The following RBM39 variants were observed in gnomAD, a reference collection of about 807,000 sequenced individuals.
RBM39 encodes the protein RNA-binding protein 39.
Under a neutral mutation model 79.6 loss-of-function variants are expected in RBM39, and 12 were observed. The ratio of observed to expected loss-of-function variants is 0.15; its 90% CI spans 0.10 to 0.24. The LOEUF (loss-of-function observed/expected upper bound fraction) is 0.24, where lower values mean the gene tolerates loss of function less well. RBM39 is among the 10% of genes least tolerant of loss of function. The probability of loss-of-function intolerance (pLI) is 1.00; values close to 1 mark genes in which losing one functional copy is unlikely to be tolerated. For missense variants in RBM39, 243 were observed against 653.4 expected (o/e 0.37, Z 6.85); for synonymous variants, 185 against 208.4 (o/e 0.89, Z 0.97).
At chr20:35,734,983 G>A (rs767969223) in intron 3 of RBM39, 1 of 1,611,066 alleles carries the variant, frequency 6.2e-7, no homozygotes, top group Non-Finnish European at 8.5e-7. Context: ...TGGGCCTTTG[G>A]ACTTTTTGGT....
At position 35,729,843 on chromosome 20, in the gene RBM39, TAA is replaced by T. The variant is rs11476594; in HGVS notation, c.297-318_297-317del. On this transcript the variant is annotated intron_variant, in intron 4 of 16. Coordinates refer to ENST00000253363, the MANE Select transcript of RBM39 (RefSeq NM_184234.3). ...CATATATATATACAGTCTTGAGAAT[TAA>T]AAAAAAAAAAACACACACACACATA... 2.1e-3 allele frequency among the ~76,000 whole-genome samples: 306 copies of T among 145,302 alleles called. 2 individuals are homozygous for T. Among genetic ancestry groups the T allele is most frequent in the African/African-American group, 5.9e-3 (235 of 39,648 alleles).
chr20:35,737,830 C>A (rs1189597352), intron 3 of RBM39, among the ~76,000 whole-genome samples: 1 of 112,070 alleles, frequency 8.9e-6, no homozygotes, highest in East Asian at 2.6e-4. Context: ...GCCTGGGCAA[C>A]AGAGCAAGAC....
intron 7 of RBM39, 70 bp downstream of exon 7, chr20:35,724,968 G>GT: frequency 1.3e-5 from 15 of 1,132,804 alleles, no homozygotes; most frequent in Non-Finnish European, 2.0e-5. Context: ...ATCAAATGAA[G>GT]TATTTGATGT....
At chr20:35,726,692 C>T (rs2038732287) in intron 6 of RBM39, among the ~76,000 whole-genome samples, 1 of 152,182 alleles carries the variant, frequency 6.6e-6, no homozygotes, top group South Asian at 2.1e-4. Flanking sequence ...AACATCATCT[C>T]TGTTACAAAA....
chr20:35,724,912 C>G (rs2425105), intron 7 of RBM39, 126 bp downstream of exon 7: 8 of 993,590 alleles, frequency 8.1e-6, no homozygotes, highest in Non-Finnish European at 1.1e-5. Context: ...TCCAATACTA[C>G]AAGAGGCAAA....
intron 3 of RBM39, chr20:35,735,177 A>C: frequency 7.3e-7 from 1 of 1,365,192 alleles, no homozygotes; most frequent in Non-Finnish European, 9.5e-7. Context: ...GTGTCATTTT[A>C]ATGTTATCTT....
Position 35,742,018 on chromosome 20 carries a change from C to T in RBM39, c.-91G>A. The T allele has an allele frequency of 3.9e-6, 1 of 253,442 alleles. No individual in the cohort carries two copies. The highest frequency in any genetic ancestry group is 3.9e-5 in the South Asian group (1 of 25,718). The allele number at this position is 253,442 out of a possible 1,614,324, so 15.7% of individuals were successfully genotyped here. On this transcript the variant is annotated 5_prime_UTR_variant, in exon 1 of 17. Transcript: ENST00000253363. ...CTGCTGCTGCTGCTGCTGCCGCCGC[C>T]GCCGCTTCTGTTGCTACTGTTAAGC... is the stretch of plus-strand genomic sequence containing the variant.
At chr20:35,740,974 C>A in intron 1 of RBM39, 87 bp from the exon 2 acceptor site, 1 of 713,206 alleles carries the variant, frequency 1.4e-6, no homozygotes, top group East Asian at 4.1e-5. Context: ...TATCGTCTAA[C>A]ATTTTCTCTA....
intron 3 of RBM39, among the ~76,000 whole-genome samples, chr20:35,738,342 T>A (rs116328758): frequency 4.6e-5 from 7 of 152,250 alleles, no homozygotes; most frequent in African/African-American, 1.7e-4. Flanking sequence ...TTTTCTGTAC[T>A]AGTCTATAGC....
intron 8 of RBM39, 47 bp from the exon 9 acceptor site, chr20:35,721,924 A>G (rs751918098): frequency 1.3e-5 from 21 of 1,577,990 alleles, no homozygotes; most frequent in Non-Finnish European, 1.7e-5. Flanking sequence ...ACAGCAGTTT[A>G]AAGACATACA....
intron 9 of RBM39, 68 bp downstream of exon 9, chr20:35,721,670 CAT>C: frequency 1.3e-6 from 2 of 1,510,304 alleles, no homozygotes; most frequent in Non-Finnish European, 1.8e-6. Flanking sequence ...CAAAGCAAGA[CAT>C]ACAGAAATTA....
Position 35,708,060 on chromosome 20 carries a change from T to C in RBM39, c.1226-859A>G, listed in dbSNP as rs923762239. On this transcript the variant is annotated intron_variant, in intron 13 of 16. Transcript: ENST00000253363. Reference sequence around the variant, plus strand: ...AAACGATCACTTAAAGTATCAGAAATATTACACCGAGAAATTAGGGCTGTG... The same window carrying C: ...AAACGATCACTTAAAGTATCAGAAACATTACACCGAGAAATTAGGGCTGTG... The C allele has an allele frequency of 1.7e-5, 5 of 298,222 alleles. No individual in the cohort carries two copies. The Admixed American group carries it at 2.5e-4, about 15-fold the overall frequency. 18.5% of individuals were successfully genotyped at this position (298,222 alleles called of 1,614,324 possible).
chr20:35,723,294 T>C (rs2038230432), intron 8 of RBM39, among the ~76,000 whole-genome samples: 1 of 151,784 alleles, frequency 6.6e-6, no homozygotes, highest in Non-Finnish European at 1.5e-5. Context: ...TGTAACAAAC[T>C]AGAGTACATT....
intron 14 of RBM39, 109 bp from the exon 15 acceptor site, chr20:35,705,439 G>GA: frequency 1.5e-6 from 1 of 657,522 alleles, no homozygotes; most frequent in Non-Finnish European, 2.5e-6. Flanking sequence ...AAATACTTTG[G>GA]AAAAAAAGCA....
intron 14 of RBM39, among the ~76,000 whole-genome samples, chr20:35,705,626 G>A (rs763557501): frequency 1.3e-5 from 2 of 150,114 alleles, no homozygotes; most frequent in Admixed American, 1.3e-4. Flanking sequence ...GGAGAAATCC[G>A]GTCTCTACTG....
At chr20:35,715,864 G>T (rs186010661) in intron 10 of RBM39, among the ~76,000 whole-genome samples, 68 of 151,814 alleles carry the variant, frequency 4.5e-4, no homozygotes, top group African/African-American at 1.5e-3. Flanking sequence ...TTACTTCACA[G>T]GATGTCTTCC....
chr20:35,719,853 G>A (rs936468816), intron 9 of RBM39, among the ~76,000 whole-genome samples: 1 of 151,704 alleles, frequency 6.6e-6, no homozygotes, highest in Non-Finnish European at 1.5e-5. Flanking sequence ...CGTGATCTCG[G>A]CTCACTGCAA....
At chr20:35,708,094 A>G (rs2035965568) in intron 13 of RBM39, 1 of 228,154 alleles carries the variant, frequency 4.4e-6, no homozygotes. Flanking sequence ...TGCATGAAAT[A>G]TATCATAAAT....
chr20:35,715,416 T>C (rs2036984320), intron 10 of RBM39, among the ~76,000 whole-genome samples: 1 of 152,168 alleles, frequency 6.6e-6, no homozygotes. Flanking sequence ...CCTCAGGTGA[T>C]CTACCGCTCT....
Sources: gnomAD v4.1 joint callset for allele counts (sites outside exome capture counted in the v4.1 genomes callset) on GRCh38, gnomAD v4.1.1 for gene constraint, MANE v1.5 for transcripts, NCBI Gene and HGNC (gene_info 2026-07-23, HGNC 2026-07-21) for gene names.